Variants in FMN2 observed in about 807,000 individuals in gnomAD.
FMN2 encodes the protein formin 2.
Under a neutral mutation model 142.3 loss-of-function variants are expected in FMN2, and 51 were observed. The observed-to-expected ratio is 0.36, with a 90% confidence interval of 0.29 to 0.45. FMN2 has a LOEUF of 0.45. Ranked by LOEUF, FMN2 falls within the 20% of genes least tolerant of loss-of-function variation. The pLI is 1.00. For missense variants in FMN2, 1,936 were observed against 2,122.8 expected, an observed-to-expected ratio of 0.91 and a Z score of 1.73; for synonymous variants, 882 against 869.8, an observed-to-expected ratio of 1.01 and a Z score of -0.25.
intron 7 of FMN2, among the ~76,000 whole-genome samples, chr1:240,264,291 T>C (rs187568546): frequency 2.6e-5 from 4 of 152,156 alleles, no homozygotes; most frequent in Admixed American, 6.6e-5. Flanking sequence ...GATAATTGTT[T>C]GGGAAGAAAT....
At chr1:240,098,667 C>T (rs1661306606) in intron 1 of FMN2, among the ~76,000 whole-genome samples, 1 of 152,064 alleles carries the variant, frequency 6.6e-6, no homozygotes, top group Non-Finnish European at 1.5e-5. Flanking sequence ...AAGAATTTGG[C>T]GATGTAAGCG....
rs141901161 is a variant in FMN2 at position 240,157,890 on chromosome 1, A to G, written c.1783-20031A>G. ...GGTGGCTCACTCCTGTAATCCTAGC[A>G]CTTTAGGAGCCTGAGGCAGGAGAAT... On this transcript the variant is annotated intron_variant, in intron 2 of 17. Transcript: ENST00000319653. 1.3e-4 allele frequency among the ~76,000 whole-genome samples: 19 copies of G among 150,946 alleles called. No individual in the cohort carries two copies. The East Asian group carries it at 3.5e-3, about 28-fold the overall frequency.
chr1:240,254,119 G>A (rs563990945), intron 6 of FMN2, among the ~76,000 whole-genome samples: 1 of 152,288 alleles, frequency 6.6e-6, no homozygotes, highest in African/African-American at 2.4e-5. Context: ...AGTGGAAGAA[G>A]TGGGCTGGGT....
chr1:240,419,583 G>C (rs1255962808), intron 15 of FMN2, among the ~76,000 whole-genome samples: 1 of 152,150 alleles, frequency 6.6e-6, no homozygotes, highest in Non-Finnish European at 1.5e-5. Flanking sequence ...GAAGCTGTGG[G>C]TCTCTGGAAA....
At chr1:240,403,861 C>G (rs970868478) in intron 15 of FMN2, among the ~76,000 whole-genome samples, 4 of 152,138 alleles carry the variant, frequency 2.6e-5, no homozygotes, top group Non-Finnish European at 5.9e-5. Context: ...AGAGAATACA[C>G]TACATTCCCT....
At chr1:240,393,991 C>T (rs1318048856) in intron 15 of FMN2, among the ~76,000 whole-genome samples, 2 of 152,102 alleles carry the variant, frequency 1.3e-5, no homozygotes, top group Non-Finnish European at 2.9e-5. Flanking sequence ...AAATCCATCT[C>T]CCTGACTAAC....
chr1:240,367,596 A>C (rs6687214), intron 14 of FMN2, among the ~76,000 whole-genome samples: 37 of 151,370 alleles, frequency 2.4e-4, no homozygotes, highest in African/African-American at 8.2e-4. Context: ...GTGAAACCCC[A>C]TCTCTACTAA....
intron 2 of FMN2, among the ~76,000 whole-genome samples, chr1:240,133,281 C>T (rs1662812531): frequency 6.6e-6 from 1 of 152,140 alleles, no homozygotes; most frequent in Admixed American, 6.5e-5. Flanking sequence ...TTCCTCTCAC[C>T]TCAGCCTCCC....
intron 2 of FMN2, among the ~76,000 whole-genome samples, chr1:240,155,894 C>CTTT (rs57086534): frequency 1.1e-4 from 15 of 136,296 alleles, no homozygotes; most frequent in Non-Finnish European, 2.4e-4. Context: ...AAATTAGATA[C>CTTT]TTTTTTTTTT....
chr1:240,345,611 C>T (rs867294149), intron 13 of FMN2, among the ~76,000 whole-genome samples: 3 of 152,048 alleles, frequency 2.0e-5, no homozygotes, highest in Non-Finnish European at 4.4e-5. Context: ...GCTGGGATTA[C>T]AGGTGCTGAT....
intron 15 of FMN2, among the ~76,000 whole-genome samples, chr1:240,434,379 C>T (rs1031421243): frequency 6.6e-6 from 1 of 152,128 alleles, no homozygotes; most frequent in African/African-American, 2.4e-5. Context: ...CCCTCCCACC[C>T]ACCACCCAAG....
At chr1:240,125,848 C>T (rs1662475111) in intron 2 of FMN2, among the ~76,000 whole-genome samples, 2 of 152,166 alleles carry the variant, frequency 1.3e-5, no homozygotes, top group South Asian at 2.1e-4. Context: ...TGGCATCGAG[C>T]GTGAAAAACA....
At chr1:240,211,624 A>G (rs1377170427) in intron 6 of FMN2, among the ~76,000 whole-genome samples, 1 of 152,084 alleles carries the variant, frequency 6.6e-6, no homozygotes, top group African/African-American at 2.4e-5. Flanking sequence ...ATCCTTAGTA[A>G]CTGATAATGT....
intron 6 of FMN2, among the ~76,000 whole-genome samples, chr1:240,257,566 T>C (rs146774958): frequency 2.0e-5 from 3 of 152,298 alleles, no homozygotes; most frequent in East Asian, 1.9e-4. Context: ...AGGCTCCACA[T>C]TGAAAGAAAA....
intron 15 of FMN2, among the ~76,000 whole-genome samples, chr1:240,394,315 G>A (rs1316155802): frequency 6.6e-6 from 1 of 152,190 alleles, no homozygotes; most frequent in Non-Finnish European, 1.5e-5. Context: ...ATAAACATCA[G>A]TTCTATGGGA....
rs34050336 is a variant in FMN2, at chr1:240,184,236, C to CTTTTTTTTTTTT, written c.1931-3958_1931-3947dup. ...AACTTTTTAAAATGGAATATTTAACCTTTTTTTTTTTTTTTTTTTTTTTTG... is the reference window on the plus strand; with the variant it reads ...AACTTTTTAAAATGGAATATTTAACCTTTTTTTTTTTTTTTTTTTTTTTTTTTTTTTTTTTTG... On this transcript the variant is annotated intron_variant, in intron 3 of 17. Coordinates refer to ENST00000319653, the MANE Select transcript of FMN2 (RefSeq NM_020066.5). Among the ~76,000 whole-genome samples the CTTTTTTTTTTTT allele has an allele frequency of 3.1e-4, 25 of 79,452 alleles. 1 individual carries two copies. The highest frequency in any genetic ancestry group is 7.0e-4 in the African/African-American group (14 of 20,014). 52.1% of individuals were successfully genotyped at this position (79,452 alleles called of 152,430 possible).
At chr1:240,447,144 G>A (rs1358489744) in intron 16 of FMN2, among the ~76,000 whole-genome samples, 2 of 152,050 alleles carry the variant, frequency 1.3e-5, no homozygotes, top group Admixed American at 6.6e-5. Context: ...ACAGCAATTC[G>A]CTCACCTGGT....
At chr1:240,413,803 A>G (rs1306466431) in intron 15 of FMN2, among the ~76,000 whole-genome samples, 1 of 152,204 alleles carries the variant, frequency 6.6e-6, no homozygotes, top group African/African-American at 2.4e-5. Flanking sequence ...CGTGCCTTCA[A>G]AAATGTTAGG....
At position 240,145,343 on chromosome 1, in the gene FMN2, A is replaced by G. The variant is rs183534622; in HGVS notation, c.1782+21998A>G. On this transcript the variant is annotated intron_variant, in intron 2 of 17. Coordinates refer to ENST00000319653, the MANE Select transcript of FMN2 (RefSeq NM_020066.5). ...CGCCGCTGGGGGCTGCTGGGACTGCACCAGCGTCTTGTCCCATCCTCCCTC... is the reference window on the plus strand; with the variant it reads ...CGCCGCTGGGGGCTGCTGGGACTGCGCCAGCGTCTTGTCCCATCCTCCCTC... 1.0e-3 allele frequency: 910 copies of G among 885,862 alleles called. 10 individuals are homozygous for G. The African/African-American group carries it at 0.014, about 13-fold the overall frequency. The allele number at this position is 885,862 out of a possible 1,614,324, so 54.9% of individuals were successfully genotyped here.
Sources: allele counts gnomAD v4.1 joint callset (sites outside exome capture counted in the v4.1 genomes callset), GRCh38; gene constraint gnomAD v4.1.1; transcripts MANE v1.5; gene names NCBI Gene and HGNC (gene_info 2026-07-23, HGNC 2026-07-21).